Variants in DNAH10 observed in about 807,000 individuals in gnomAD.
DNAH10 encodes dynein axonemal heavy chain 10, also known as axonemal beta dynein heavy chain 10.
Under a neutral mutation model 506.6 loss-of-function variants are expected in DNAH10, and 348 were observed. The observed-to-expected ratio is 0.69, with a 90% CI of 0.63 to 0.75. The LOEUF (loss-of-function observed/expected upper bound fraction) is 0.75. DNAH10 is among the 30% of genes least tolerant of loss of function. The pLI, the probability that DNAH10 is intolerant of heterozygous loss-of-function variation, is 0.00. For missense variants in DNAH10, 5,179 were observed against 5,787.1 expected (o/e 0.89, Z 3.41); for synonymous variants, 2,059 against 2,198.6 (o/e 0.94, Z 1.78).
intron 51 of DNAH10, among the ~76,000 whole-genome samples, chr12:123,886,917 G>A (rs1388199238): frequency 6.6e-6 from 1 of 152,146 alleles, no homozygotes; most frequent in Non-Finnish European, 1.5e-5. Context: ...CGTTCACCTT[G>A]GGGTACATTC....
At chr12:123,833,887 G>T (rs557801354) in intron 27 of DNAH10, among the ~76,000 whole-genome samples, 2 of 152,244 alleles carry the variant, frequency 1.3e-5, no homozygotes, top group South Asian at 2.1e-4. Context: ...AAGTAGCAAG[G>T]TCTTATAGTA....
At position 123,857,125 on chromosome 12, in the gene DNAH10, T is replaced by A. The variant is rs753658903; in HGVS notation, c.6508T>A (p.Phe2170Ile). The change falls in exon 37 of 79, where the codon TTC becomes ATC. Residue 2170 changes from phenylalanine to isoleucine, a missense_variant. Coordinates refer to ENST00000673944, the MANE Select transcript of DNAH10 (RefSeq NM_001372106.1). ...PKFVFEDVPL[F>I]LGLISDLFPG... ...ATTTGTGTTTGAAGATGTTCCTCTT[T>A]TCCTTGGTTTGATTTCGGATCTGTT... is the stretch of plus-strand genomic sequence containing the variant. The A allele has an allele frequency of 5.0e-6, 8 of 1,612,954 alleles. No individual in the cohort carries two copies. The Admixed American group carries it at 5.0e-5, about 10-fold the overall frequency.
intron 24 of DNAH10, among the ~76,000 whole-genome samples, chr12:123,824,984 G>A (rs767287045): frequency 2.0e-5 from 3 of 152,244 alleles, no homozygotes; most frequent in South Asian, 2.1e-4. Context: ...GAGGAGCGAG[G>A]TCTGAGCCTG....
At chr12:123,876,531 G>A (rs1952262021) in intron 47 of DNAH10, among the ~76,000 whole-genome samples, 2 of 152,176 alleles carry the variant, frequency 1.3e-5, no homozygotes, top group Non-Finnish European at 2.9e-5. Flanking sequence ...TACTTGGGAG[G>A]ATGAGGCAGG....
chr12:123,908,449 C>T (rs767203230), intron 57 of DNAH10: 2 of 456,280 alleles, frequency 4.4e-6, no homozygotes, highest in South Asian at 3.1e-5. Context: ...TCCTTCCTCT[C>T]CTGCTTTGCC....
Position 123,814,088 on chromosome 12 carries a change from G to T in DNAH10, c.3780+176G>T, listed in dbSNP as rs1405158869. The T allele has an allele frequency of 6.8e-6, 4 of 591,926 alleles. No individual in the cohort carries two copies. In the East Asian group the frequency reaches 9.4e-5, roughly 14 times the overall value. The allele number at this position is 591,926 out of a possible 1,614,324, so 36.7% of individuals were successfully genotyped here. ...TTATTTAGAATAATGAAAATATAGA[G>T]TATTTTTCAATCTGTATGGCTCAAA... is the stretch of plus-strand genomic sequence containing the variant. On this transcript the variant is annotated intron_variant, in intron 21 of 78. Coordinates refer to ENST00000673944, the MANE Select transcript of DNAH10 (RefSeq NM_001372106.1).
Position 123,931,970 on chromosome 12 carries a change from T to C in DNAH10, c.13158T>C (p.Asn4386=). 6.2e-7 allele frequency: 1 copy of C among 1,613,992 alleles called. No individual in the cohort carries two copies. The change falls in exon 76 of 79, where the codon AAT becomes AAC. Residue 4386 remains asparagine (N), a synonymous_variant. Transcript: ENST00000673944. The part of the protein sequence containing the change: ...RALAGEVGMS[N]ELDDVARSLF... Reference sequence around the variant, plus strand: ...TGGCTGGAGAAGTTGGAATGAGCAATGAGTTAGATGATGTGGCCAGGTCTC... The same window carrying C: ...TGGCTGGAGAAGTTGGAATGAGCAACGAGTTAGATGATGTGGCCAGGTCTC...
chr12:123,765,402 C>A (rs1206325938), intron 1 of DNAH10, among the ~76,000 whole-genome samples: 2 of 152,170 alleles, frequency 1.3e-5, no homozygotes, highest in African/African-American at 4.8e-5. Context: ...GCTTCTCCAT[C>A]CCTTAAGCCC....
In DNAH10 at chr12:123,853,484, G is replaced by A. The variant is rs762906961; in HGVS notation, c.6438+132G>A. On this transcript the variant is annotated intron_variant, in intron 36 of 78. Coordinates refer to ENST00000673944, the MANE Select transcript of DNAH10 (RefSeq NM_001372106.1). The surrounding 1 kb of genome is among the most constrained non-coding windows in gnomAD (Gnocchi z 4.7). The stretch of plus-strand genomic sequence containing the variant: ...AGTCTTAGCTGCCTCTTCACCCCGC[G>A]GTCTGGCCTTACTTTGGCCTCTTAC... 6.9e-5 allele frequency: 85 copies of A among 1,226,350 alleles called. No homozygotes were observed. Among genetic ancestry groups the A allele is most frequent in the Non-Finnish European group, 7.9e-5 (73 of 921,854 alleles). 76.0% of individuals were successfully genotyped at this position (1,226,350 alleles called of 1,614,324 possible). A position where few individuals can be genotyped will look rare whatever the true frequency, so the allele number is the denominator to read the frequency against.
At chr12:123,868,246 A>T in intron 43 of DNAH10, 127 bp downstream of exon 43, 1 of 856,430 alleles carries the variant, frequency 1.2e-6, no homozygotes, top group Non-Finnish European at 1.8e-6. Context: ...CTTTAGAGAA[A>T]CATGCAATGG....
At position 123,926,614 on chromosome 12, in the gene DNAH10, TCTGA is replaced by T; in HGVS notation, c.11922-19_11922-16del. The T allele has an allele frequency of 6.2e-7, 1 of 1,606,386 alleles. No homozygotes were observed. Among genetic ancestry groups the T allele is most frequent in the Non-Finnish European group, 8.5e-7 (1 of 1,175,706 alleles). On this transcript the variant is annotated intron_variant, in intron 68 of 78. Transcript: ENST00000673944. This position sits in a 1 kb window ranked among gnomAD's most constrained non-coding sequence, Gnocchi z 4.1. ...TGGAGCTGTCCTCGCGGGAGAGTTT[TCTGA>T]CTGTGTTTCTTTCACCAGGTATGTG...
chr12:123,815,466 T>C (rs1959112063), intron 21 of DNAH10, among the ~76,000 whole-genome samples: 1 of 152,240 alleles, frequency 6.6e-6, no homozygotes, highest in Non-Finnish European at 1.5e-5. Context: ...ACTGTGAATA[T>C]TGACAGTTTC....
intron 39 of DNAH10, among the ~76,000 whole-genome samples, chr12:123,864,354 C>T (rs929010177): frequency 2.0e-5 from 3 of 151,794 alleles, no homozygotes; most frequent in Admixed American, 1.3e-4. Flanking sequence ...ACTATGTTGG[C>T]CAGACTGGTC....
chr12:123,847,251 TATCTATCTATCTATCC>T (rs1407445368), intron 32 of DNAH10, among the ~76,000 whole-genome samples: 33 of 145,482 alleles, frequency 2.3e-4, no homozygotes, highest in African/African-American at 7.4e-4. Context: ...TCTATCTATC[TATCTATCTATCTATCC>T]ATCCATCCAT....
chr12:123,838,084 G>C (rs1961365149), intron 28 of DNAH10, among the ~76,000 whole-genome samples: 1 of 152,208 alleles, frequency 6.6e-6, no homozygotes, highest in East Asian at 1.9e-4. Flanking sequence ...GCTCACAGTG[G>C]AATTGCCAGC....
chr12:123,821,642 A>G (rs947576977), intron 24 of DNAH10, among the ~76,000 whole-genome samples: 6 of 152,140 alleles, frequency 3.9e-5, no homozygotes, highest in African/African-American at 1.2e-4. Context: ...CTGGAATTAC[A>G]TATTTTAAAA....
At chr12:123,818,231 G>A (rs1043659990) in intron 21 of DNAH10, among the ~76,000 whole-genome samples, 3 of 152,106 alleles carry the variant, frequency 2.0e-5, no homozygotes, top group Non-Finnish European at 2.9e-5. Context: ...ACAGACGTGA[G>A]CTACTGCACC....
At chr12:123,772,983 G>A (rs568804577) in intron 4 of DNAH10, 41 bp downstream of exon 4, 2 of 1,403,088 alleles carry the variant, frequency 1.4e-6, no homozygotes, top group Non-Finnish European at 2.0e-6. Context: ...TGTTGAGGGG[G>A]TGTGGTTGTG....
At chr12:123,871,771 T>C (rs1952045848) in intron 45 of DNAH10, among the ~76,000 whole-genome samples, 169 bp downstream of exon 45, 1 of 152,214 alleles carries the variant, frequency 6.6e-6, no homozygotes, top group Non-Finnish European at 1.5e-5. Context: ...GCAGTCAAGC[T>C]GTTGGCCAGG....
Sources: allele counts gnomAD v4.1 joint callset (sites outside exome capture counted in the v4.1 genomes callset), GRCh38; gene constraint gnomAD v4.1.1; non-coding constraint Gnocchi (gnomAD v3.1); transcripts MANE v1.5; gene names NCBI Gene and HGNC (gene_info 2026-07-23, HGNC 2026-07-21).